SIRPB2: variants seen among roughly 807,000 people sequenced by gnomAD.
SIRPB2 encodes the protein signal-regulatory protein beta-2.
SIRPB2 carries 18 observed loss-of-function variants against 27.1 expected under a neutral mutation model. That is an observed-to-expected ratio of 0.66 (90% CI 0.46 to 0.98). SIRPB2 has a LOEUF of 0.98. Ranked by LOEUF, SIRPB2 falls within the 50% of genes least tolerant of loss-of-function variation. SIRPB2 has a pLI of 0.00. For synonymous variants in SIRPB2, 150 were observed against 164.6 expected (o/e 0.91, Z 0.68); for missense variants, 420 against 417.4 (o/e 1.01, Z -0.06).
At chr20:1,474,239 CT>C (rs1464079160), downstream of SIRPB2, among the ~76,000 whole-genome samples, 1 of 152,168 alleles carries the variant, frequency 6.6e-6, no homozygotes, top group Admixed American at 6.5e-5. Context: ...TTTATTTTTA[CT>C]TTTGCCATAC....
At chr20:1,486,405 C>T (rs961365350) in intron 1 of SIRPB2, among the ~76,000 whole-genome samples, 6 of 152,014 alleles carry the variant, frequency 3.9e-5, no homozygotes, top group South Asian at 2.1e-4. Context: ...AGAGATAATA[C>T]CAATTTTATA....
At chr20:1,478,203 T>C (rs922037780) in intron 3 of SIRPB2, 63 bp downstream of exon 3, 3 of 1,494,014 alleles carry the variant, frequency 2.0e-6, no homozygotes, top group Non-Finnish European at 2.8e-6. Flanking sequence ...TCGGGACATG[T>C]AGAAAAATTC....
At chr20:1,480,213 G>T in intron 1 of SIRPB2, 148 bp from the exon 2 acceptor site, 4 of 1,084,904 alleles carry the variant, frequency 3.7e-6, no homozygotes, top group Non-Finnish European at 5.1e-6. Flanking sequence ...GGAAAGAGGG[G>T]ATGAGATGGC....
intron 4 of SIRPB2, 187 bp from the exon 5 acceptor site, chr20:1,476,523 C>A: frequency 2.6e-6 from 1 of 380,688 alleles, no homozygotes; most frequent in Non-Finnish European, 3.6e-6. Flanking sequence ...GAACGGTTGC[C>A]CAATATTCTG....
intron 1 of SIRPB2, among the ~76,000 whole-genome samples, chr20:1,486,233 C>T (rs1382716907): frequency 2.6e-5 from 4 of 151,920 alleles, no homozygotes; most frequent in South Asian, 2.1e-4. Context: ...CCACCATGCC[C>T]GGCTAATTTT....
chr20:1,471,458 G>GA (rs762407006), downstream of SIRPB2, among the ~76,000 whole-genome samples: 4 of 152,170 alleles, frequency 2.6e-5, no homozygotes, highest in Non-Finnish European at 4.4e-5. Context: ...GAATGAATTA[G>GA]AGTTACAGGT....
chr20:1,476,867 G>A, intron 4 of SIRPB2: 1 of 1,127,426 alleles, frequency 8.9e-7, no homozygotes, highest in Non-Finnish European at 1.1e-6. Context: ...TGGCATGTGT[G>A]ATCTCCTTGA....
chr20:1,482,534 C>T (rs910326280), intron 1 of SIRPB2, among the ~76,000 whole-genome samples: 11 of 151,282 alleles, frequency 7.3e-5, no homozygotes, highest in African/African-American at 2.2e-4. Context: ...TTTCTTTCTT[C>T]CTTTCTTCCT....
chr20:1,489,080 C>T lies in SIRPB2; in HGVS notation c.85+2195G>A, dbSNP rs546909832. On this transcript the variant is annotated intron_variant, in intron 1 of 4. Transcript: ENST00000359801. ...ATGAATGAATCTCAAAATAATTATG[C>T]GGAGTAAAAGAAGCCAGCCAAAAAG... 3.5e-4 allele frequency among the ~76,000 whole-genome samples: 53 copies of T among 152,064 alleles called. 1 individual carries two copies. Among genetic ancestry groups the T allele is most frequent in the Non-Finnish European group, 1.5e-4 (10 of 68,004 alleles).
At chr20:1,489,349 A>G (rs76398428) in intron 1 of SIRPB2, among the ~76,000 whole-genome samples, 1,616 of 152,356 alleles carry the variant, frequency 0.011, 31 homozygotes, top group African/African-American at 0.038. Context: ...ACGGTTTAAT[A>G]TATGTCACTT....
intron 1 of SIRPB2, among the ~76,000 whole-genome samples, chr20:1,482,151 G>A (rs1392996631): frequency 1.3e-5 from 2 of 152,118 alleles, no homozygotes; most frequent in East Asian, 1.9e-4. Context: ...ATAAAGACTG[G>A]GAGTGGAGAA....
Position 1,475,792 on chromosome 20 carries a change from A to T in SIRPB2, c.*375T>A. ...ATGGTCTGGCTGGTTGAGTTCAGAGATTCTTACAGACATCTCCTGGGAAGA... is the reference window on the plus strand; with the variant it reads ...ATGGTCTGGCTGGTTGAGTTCAGAGTTTCTTACAGACATCTCCTGGGAAGA... On this transcript the variant is annotated 3_prime_UTR_variant, in exon 5 of 5. Coordinates refer to ENST00000359801, the MANE Select transcript of SIRPB2 (RefSeq NM_001122962.2). 1 of 189,824 alleles carries T rather than the reference A, an allele frequency of 5.3e-6. No individual in the cohort carries two copies. The highest frequency in any genetic ancestry group is 1.1e-5 in the Non-Finnish European group (1 of 92,644). 11.8% of individuals were successfully genotyped at this position (189,824 alleles called of 1,614,324 possible).
Position 1,476,095 on chromosome 20 carries a change from G to T in SIRPB2, c.*72C>A. 6.4e-7 allele frequency: 1 copy of T among 1,556,572 alleles called. No individual in the cohort carries two copies. Among genetic ancestry groups the T allele is most frequent in the Non-Finnish European group, 8.7e-7 (1 of 1,146,214 alleles). Reference sequence around the variant, plus strand: ...CTGGGGGCACCTAGAGGCTGGGACTGGAGGTAGGGAAATGGTTGAGGAGCC... The same window carrying T: ...CTGGGGGCACCTAGAGGCTGGGACTTGAGGTAGGGAAATGGTTGAGGAGCC... On this transcript the variant is annotated 3_prime_UTR_variant, in exon 5 of 5. Coordinates refer to ENST00000359801, the MANE Select transcript of SIRPB2 (RefSeq NM_001122962.2).
At chr20:1,472,144 A>T (rs980029145), downstream of SIRPB2, among the ~76,000 whole-genome samples, 5 of 152,114 alleles carry the variant, frequency 3.3e-5, no homozygotes, top group Non-Finnish European at 2.9e-5. Context: ...GGGCTGTGGC[A>T]TGCCCCCTGC....
chr20:1,483,344 TG>T (rs1184314715), intron 1 of SIRPB2, among the ~76,000 whole-genome samples: 1 of 151,868 alleles, frequency 6.6e-6, no homozygotes, highest in Non-Finnish European at 1.5e-5. Flanking sequence ...TGACCTCAGG[TG>T]ATCTGCCCAC....
At chr20:1,476,419 T>TCA in intron 4 of SIRPB2, 83 bp from the exon 5 acceptor site, 1 of 1,359,372 alleles carries the variant, frequency 7.4e-7, no homozygotes, top group Non-Finnish European at 1.0e-6. Context: ...ATGGGCAAGG[T>TCA]CACATCCTGC....
At position 1,477,319 on chromosome 20, in the gene SIRPB2, C is replaced by G; in HGVS notation, c.859+19G>C. 1 of 1,614,250 alleles carries G rather than the reference C, an allele frequency of 6.2e-7. No individual in the cohort carries two copies. The highest frequency in any genetic ancestry group is 8.5e-7 in the Non-Finnish European group (1 of 1,180,046). Reference sequence around the variant, plus strand: ...GCCTGTGGGGGACTCATTGACTCCACTGAGGTGGGTACGCTCACCTGTTGG... The same window carrying G: ...GCCTGTGGGGGACTCATTGACTCCAGTGAGGTGGGTACGCTCACCTGTTGG... On this transcript the variant is annotated intron_variant, in intron 4 of 4. Transcript: ENST00000359801.
chr20:1,488,001 A>G (rs988343532), intron 1 of SIRPB2, among the ~76,000 whole-genome samples: 1 of 152,236 alleles, frequency 6.6e-6, no homozygotes, highest in Non-Finnish European at 1.5e-5. Flanking sequence ...AGCTGCAAAC[A>G]TGGAAAAAAA....
chr20:1,482,939 T>C (rs1454063595), intron 1 of SIRPB2, among the ~76,000 whole-genome samples: 1 of 152,176 alleles, frequency 6.6e-6, no homozygotes, highest in African/African-American at 2.4e-5. Context: ...TCCTTTGATA[T>C]ATTGATTTCT....
Sources: allele counts gnomAD v4.1 joint callset (sites outside exome capture counted in the v4.1 genomes callset), GRCh38; gene constraint gnomAD v4.1.1; transcripts MANE v1.5; gene names NCBI Gene and HGNC (gene_info 2026-07-23, HGNC 2026-07-21).